The following CTNNA3 variants were observed in gnomAD, a reference collection of about 807,000 sequenced individuals.
CTNNA3 encodes catenin alpha 3, also known as catenin alpha-3.
CTNNA3 carries 76 observed loss-of-function variants against 95.7 expected under a neutral mutation model. The ratio of observed to expected loss-of-function variants is 0.79; its 90% CI spans 0.66 to 0.96. The LOEUF (loss-of-function observed/expected upper bound fraction) is 0.96, where lower values mean the gene tolerates loss of function less well. Among genes scored for constraint, CTNNA3 ranks in the 40% least tolerant of loss-of-function variants. The probability of loss-of-function intolerance (pLI) is 0.00; values close to 1 mark genes in which losing one functional copy is unlikely to be tolerated. For synonymous variants in CTNNA3, 431 were observed against 374.4 expected, an observed-to-expected ratio of 1.15 and a Z score of -1.74; for missense variants, 1,191 against 1,089.8, an observed-to-expected ratio of 1.09 and a Z score of -1.31.
chr10:67,372,617 T>C (rs1843520049), intron 5 of CTNNA3, among the ~76,000 whole-genome samples: 3 of 152,118 alleles, frequency 2.0e-5, no homozygotes, highest in Admixed American at 2.0e-4. Flanking sequence ...ATTCAGGATA[T>C]ACAGAGAACA....
At chr10:67,407,046 G>A (rs185761737) in intron 5 of CTNNA3, among the ~76,000 whole-genome samples, 6 of 152,144 alleles carry the variant, frequency 3.9e-5, no homozygotes, top group Middle Eastern at 3.4e-3. Context: ...GAAAAGCAGG[G>A]ACTCCCCCAT....
chr10:67,755,002 A>G (rs748401227), intron 1 of CTNNA3, among the ~76,000 whole-genome samples: 35 of 152,238 alleles, frequency 2.3e-4, no homozygotes, highest in Middle Eastern at 3.4e-3. Context: ...GTTTGAGACC[A>G]GCCTGGAAAA....
In CTNNA3 at chr10:66,753,016, C is replaced by T. The variant is rs192165028; in HGVS notation, c.1281+13248G>A. 1.6e-3 allele frequency among the ~76,000 whole-genome samples: 247 copies of T among 152,184 alleles called. 1 individual carries two copies. The highest frequency in any genetic ancestry group is 5.6e-3 in the African/African-American group (233 of 41,540). Reference sequence around the variant, plus strand: ...CTGTTCACTGTAAGTTTTCCCTTTCCTCCAAAACAACCCTTGATGGTGTTG... The same window carrying T: ...CTGTTCACTGTAAGTTTTCCCTTTCTTCCAAAACAACCCTTGATGGTGTTG... On this transcript the variant is annotated intron_variant, in intron 9 of 17. Coordinates refer to ENST00000433211, the MANE Select transcript of CTNNA3 (RefSeq NM_013266.4).
chr10:67,447,086 CAGAG>C (rs1187843310), intron 5 of CTNNA3, among the ~76,000 whole-genome samples: 1 of 152,140 alleles, frequency 6.6e-6, no homozygotes, highest in Non-Finnish European at 1.5e-5. Context: ...GCCTGGGTGA[CAGAG>C]AGAGACTCCG....
chr10:67,470,849 C>G (rs1021134833), intron 5 of CTNNA3, among the ~76,000 whole-genome samples: 14 of 152,278 alleles, frequency 9.2e-5, no homozygotes, highest in African/African-American at 3.1e-4. Context: ...GGCATGGTCA[C>G]AGCTCACTGC....
At chr10:67,685,890 C>T (rs917065360) in intron 1 of CTNNA3, among the ~76,000 whole-genome samples, 9 of 151,976 alleles carry the variant, frequency 5.9e-5, no homozygotes, top group Admixed American at 5.9e-4. Context: ...CTCTCTTTGA[C>T]TCCTTCTTTG....
chr10:67,222,052 G>A (rs1242889399), intron 5 of CTNNA3, among the ~76,000 whole-genome samples: 1 of 152,132 alleles, frequency 6.6e-6, no homozygotes, highest in Admixed American at 6.5e-5. Context: ...TAAGTCTACT[G>A]ATTGCTAACC....
intron 7 of CTNNA3, among the ~76,000 whole-genome samples, chr10:66,958,450 A>T (rs1848945098): frequency 1.3e-5 from 1 of 79,210 alleles, no homozygotes; most frequent in African/African-American, 4.4e-5. Flanking sequence ...CTTTGTAGAA[A>T]AATAAAAAGC....
intron 4 of CTNNA3, among the ~76,000 whole-genome samples, chr10:67,522,853 C>T (rs557083294): frequency 3.3e-5 from 5 of 152,192 alleles, no homozygotes; most frequent in African/African-American, 9.6e-5. Context: ...ATTTGCAAGA[C>T]ATTTGCATTT....
chr10:66,593,864 C>T (rs1843628032), intron 10 of CTNNA3, among the ~76,000 whole-genome samples: 3 of 152,026 alleles, frequency 2.0e-5, no homozygotes, highest in Non-Finnish European at 2.9e-5. Context: ...TTACTCCTTC[C>T]CTGATAGCTG....
chr10:67,599,856 T>C (rs1050406640), intron 3 of CTNNA3, among the ~76,000 whole-genome samples: 1 of 152,098 alleles, frequency 6.6e-6, no homozygotes, highest in African/African-American at 2.4e-5. Flanking sequence ...CAGTGGACTT[T>C]TTTGTAAAAA....
rs976096221 is a variant in CTNNA3, at chr10:66,192,864, G to A, written c.1884+87606C>T. Among the ~76,000 whole-genome samples the A allele has an allele frequency of 5.9e-5, 9 of 152,138 alleles. No homozygotes were observed. In the South Asian group the frequency reaches 1.9e-3, roughly 32 times the overall value. On this transcript the variant is annotated intron_variant, in intron 13 of 17. Transcript: ENST00000433211. ...GTTAATCCTGATTGAAATTATGCTT[G>A]GTTTGTGTGACTACTTGATTAATTG...
intron 5 of CTNNA3, among the ~76,000 whole-genome samples, chr10:67,505,891 T>C (rs1589369539): frequency 6.6e-6 from 1 of 152,206 alleles, no homozygotes; most frequent in African/African-American, 2.4e-5. Context: ...AATTTTAGCC[T>C]GTATTAATGC....
At chr10:66,994,138 A>G (rs764051249) in intron 7 of CTNNA3, among the ~76,000 whole-genome samples, 3 of 152,218 alleles carry the variant, frequency 2.0e-5, no homozygotes, top group Non-Finnish European at 4.4e-5. Context: ...GTGAGTTGCC[A>G]TCACTATATT....
intron 17 of CTNNA3, among the ~76,000 whole-genome samples, chr10:65,923,044 C>T (rs1228405097): frequency 6.6e-6 from 1 of 152,136 alleles, no homozygotes; most frequent in East Asian, 1.9e-4. Context: ...AGTCACCTCC[C>T]TCCCTCAATA....
At chr10:67,738,691 A>G (rs1325411915) in intron 1 of CTNNA3, among the ~76,000 whole-genome samples, 1 of 152,114 alleles carries the variant, frequency 6.6e-6, no homozygotes, top group Non-Finnish European at 1.5e-5. Flanking sequence ...AAACCTTGAA[A>G]AAAAAAAAAT....
intron 1 of CTNNA3, among the ~76,000 whole-genome samples, chr10:67,695,388 C>A (rs1840944477): frequency 6.6e-6 from 1 of 152,146 alleles, no homozygotes; most frequent in Non-Finnish European, 1.5e-5. Context: ...AGATAGTGAC[C>A]TTTTCTTTAC....
chr10:67,753,213 C>A (rs1341990107), intron 1 of CTNNA3, among the ~76,000 whole-genome samples: 1 of 152,078 alleles, frequency 6.6e-6, no homozygotes, highest in Non-Finnish European at 1.5e-5. Context: ...TAAAAACAAG[C>A]AATGGGGAAA....
chr10:66,100,490 T>A (rs1465281098), intron 14 of CTNNA3, among the ~76,000 whole-genome samples: 1 of 152,170 alleles, frequency 6.6e-6, no homozygotes, highest in Non-Finnish European at 1.5e-5. Context: ...GTAGATTTCG[T>A]GGTCAGGGAT....
Sources: allele counts gnomAD v4.1 joint callset (sites outside exome capture counted in the v4.1 genomes callset), GRCh38; gene constraint gnomAD v4.1.1; transcripts MANE v1.5; gene names NCBI Gene and HGNC (gene_info 2026-07-23, HGNC 2026-07-21).